Variants in CCDC144A observed in about 807,000 individuals in gnomAD.
CCDC144A encodes coiled-coil domain-containing protein 144A.
In CCDC144A, 41 loss-of-function variants were observed where a neutral mutation model predicts 143.8. The ratio of observed to expected loss-of-function variants is 0.29; its 90% CI spans 0.22 to 0.37. CCDC144A has a LOEUF of 0.37. CCDC144A is among the 10% of genes least tolerant of loss of function. The pLI, the probability that CCDC144A is intolerant of heterozygous loss-of-function variation, is 1.00. For synonymous variants in CCDC144A, 242 were observed against 517.9 expected (o/e 0.47, Z 7.23); for missense variants, 637 against 1,488.8 (o/e 0.43, Z 9.41).
Position 16,709,426 on chromosome 17 carries a change from A to G in CCDC144A, c.1369A>G (p.Asn457Asp). 1 of 1,611,704 alleles carries G rather than the reference A, an allele frequency of 6.2e-7. No homozygotes were observed. Among genetic ancestry groups the G allele is most frequent in the Non-Finnish European group, 8.5e-7 (1 of 1,179,652 alleles). ...GCAAATGACAAAAAATATGAACCAA[A>G]ATAGTGACAGTGGCAGTACAAACAA... The part of the protein sequence containing the change: ...DLQMTKNMNQ[N>D]SDSGSTNNYK... The change falls in exon 5 of 17, where the codon AAT becomes GAT. Residue 457 changes from asparagine to aspartate, a missense_variant. Physicochemically the swap from Asn to Asp is conservative, Grantham distance 23. Coordinates refer to ENST00000399273, the MANE Select transcript of CCDC144A (RefSeq NM_001382000.1).
At chr17:16,676,278 A>G in the CCDC144A span, among the ~76,000 whole-genome samples, 3 of 152,022 alleles carry the variant, frequency 2.0e-5, no homozygotes, top group African/African-American at 7.2e-5. Context: ...TTGGGAGGCC[A>G]AGGCAGGTGG....
chr17:16,716,813 T>G (rs901352016), intron 6 of CCDC144A, among the ~76,000 whole-genome samples: 3 of 126,902 alleles, frequency 2.4e-5, no homozygotes, highest in African/African-American at 3.4e-5. Flanking sequence ...ATTCCAGCTG[T>G]TTTTTTTTTT....
chr17:16,724,765 T>A (rs1913295936), intron 8 of CCDC144A, among the ~76,000 whole-genome samples: 1 of 148,020 alleles, frequency 6.8e-6, no homozygotes, highest in African/African-American at 2.5e-5. Context: ...ACAGTTGAGA[T>A]TACACGTTCT....
chr17:16,692,378 A>G (rs1232333418), intron 1 of CCDC144A, among the ~76,000 whole-genome samples: 1 of 147,822 alleles, frequency 6.8e-6, no homozygotes, highest in East Asian at 2.0e-4. Context: ...GTTACAAACT[A>G]TGAACTAGCT....
At chr17:16,758,643 G>A (rs1339037638) in intron 12 of CCDC144A, among the ~76,000 whole-genome samples, 1 of 152,238 alleles carries the variant, frequency 6.6e-6, no homozygotes, top group Non-Finnish European at 1.5e-5. Flanking sequence ...ACCATCCTCT[G>A]TGGCTTTTTG....
intron 12 of CCDC144A, among the ~76,000 whole-genome samples, chr17:16,744,090 A>G (rs1242882778): frequency 6.6e-6 from 1 of 152,076 alleles, no homozygotes; most frequent in South Asian, 2.1e-4. Flanking sequence ...ATCATTGATG[A>G]GCTTCTGGTT....
chr17:16,669,772 G>T, the CCDC144A span, among the ~76,000 whole-genome samples: 20 of 152,292 alleles, frequency 1.3e-4, no homozygotes, highest in African/African-American at 4.8e-4. Context: ...AGCCTCACAT[G>T]TAACCCCATT....
At chr17:16,758,964 G>A (rs946693478) in intron 12 of CCDC144A, among the ~76,000 whole-genome samples, 2 of 152,202 alleles carry the variant, frequency 1.3e-5, no homozygotes, top group Non-Finnish European at 2.9e-5. Flanking sequence ...TGTGTAGTAC[G>A]ACAGTGCCTT....
At chr17:16,669,552 G>T in the CCDC144A span, among the ~76,000 whole-genome samples, 568 of 152,324 alleles carry the variant, frequency 3.7e-3, 6 homozygotes, top group African/African-American at 0.013. Flanking sequence ...TTTTTCTGAT[G>T]CTGGAAATGT....
upstream of CCDC144A, among the ~76,000 whole-genome samples, chr17:16,687,477 A>G (rs960100560): frequency 3.9e-5 from 6 of 151,924 alleles, no homozygotes; most frequent in Admixed American, 3.3e-4. Context: ...CAGCTTTTGT[A>G]GAGACCAACC....
chr17:16,670,422 G>A, the CCDC144A span, among the ~76,000 whole-genome samples: 2 of 149,648 alleles, frequency 1.3e-5, no homozygotes, highest in African/African-American at 2.4e-5. Flanking sequence ...TGAGTAGCCG[G>A]GATTACATAA....
the CCDC144A span, among the ~76,000 whole-genome samples, chr17:16,677,467 C>T: frequency 3.9e-5 from 6 of 152,114 alleles, no homozygotes; most frequent in African/African-American, 1.4e-4. Flanking sequence ...CCCTCAAATT[C>T]GTGTGTTAAA....
At chr17:16,671,455 G>T in the CCDC144A span, among the ~76,000 whole-genome samples, 2 of 151,874 alleles carry the variant, frequency 1.3e-5, no homozygotes, top group Non-Finnish European at 2.9e-5. Flanking sequence ...CTGATATTAG[G>T]AAAGTCAATA....
chr17:16,756,398 C>T (rs1307963838), intron 12 of CCDC144A, among the ~76,000 whole-genome samples: 1 of 151,890 alleles, frequency 6.6e-6, no homozygotes, highest in African/African-American at 2.4e-5. Context: ...AGTCTATTGC[C>T]AACATTCTCA....
rs568064568 is a variant in CCDC144A at position 16,703,532 on chromosome 17, T to C, written c.416-1619T>C. Among the ~76,000 whole-genome samples the C allele has an allele frequency of 1.6e-4, 25 of 152,238 alleles. No individual in the cohort carries two copies. In the South Asian group the frequency reaches 1.7e-3, roughly 10 times the overall value. ...TTAAAAACAAGCATGCGGCCGGGCG[T>C]GGTGGCTAACGCCTGTAATGCCAGC... is the stretch of plus-strand genomic sequence containing the variant. On this transcript the variant is annotated intron_variant, in intron 2 of 16. Coordinates refer to ENST00000399273, the MANE Select transcript of CCDC144A (RefSeq NM_001382000.1).
At chr17:16,746,271 CTTTT>C (rs141884494) in intron 12 of CCDC144A, 38 of 778,874 alleles carry the variant, frequency 4.9e-5, no homozygotes, top group Admixed American at 8.0e-5. Flanking sequence ...CTCTCTCTCT[CTTTT>C]TTTTTTTTTT....
chr17:16,758,388 G>T (rs1915198654), intron 12 of CCDC144A, among the ~76,000 whole-genome samples: 1 of 152,218 alleles, frequency 6.6e-6, no homozygotes, highest in Non-Finnish European at 1.5e-5. Context: ...CAGACGGTAG[G>T]GATGCACCCT....
chr17:16,738,102 CTG>C (rs1203857751), intron 12 of CCDC144A, among the ~76,000 whole-genome samples: 1 of 151,906 alleles, frequency 6.6e-6, no homozygotes, highest in Admixed American at 6.6e-5. Flanking sequence ...GGTACAGAAT[CTG>C]TGTATATTTA....
At chr17:16,695,088 G>A (rs1597528507) in intron 2 of CCDC144A, among the ~76,000 whole-genome samples, 1 of 152,270 alleles carries the variant, frequency 6.6e-6, no homozygotes, top group Middle Eastern at 3.4e-3. Context: ...GGTTTTGCAC[G>A]TTATGGGAGA....
Sources: gnomAD v4.1 joint callset for allele counts (sites outside exome capture counted in the v4.1 genomes callset) on GRCh38, gnomAD v4.1.1 for gene constraint, MANE v1.5 for transcripts, NCBI Gene and HGNC (gene_info 2026-07-23, HGNC 2026-07-21) for gene names.